The following KCNK1 variants were observed in gnomAD, a reference collection of about 807,000 sequenced individuals.
KCNK1 encodes potassium two pore domain channel subfamily K member 1.
Under a neutral mutation model 22.2 loss-of-function variants are expected in KCNK1, and 10 were observed. The ratio of observed to expected loss-of-function variants is 0.45; its 90% CI spans 0.28 to 0.76. The LOEUF is 0.76. Ranked by LOEUF, KCNK1 falls within the 30% of genes least tolerant of loss-of-function variation. The probability of loss-of-function intolerance (pLI) is 0.14; values close to 1 mark genes in which losing one functional copy is unlikely to be tolerated. For synonymous variants in KCNK1, 200 were observed against 186.4 expected (o/e 1.07, Z -0.60); for missense variants, 378 against 421.0 (o/e 0.90, Z 0.89).
chr1:233,662,238 CCTTCTTCTTCTTCTT>C (rs147341553), intron 1 of KCNK1, among the ~76,000 whole-genome samples: 20 of 149,572 alleles, frequency 1.3e-4, no homozygotes, highest in Admixed American at 8.7e-4. Flanking sequence ...TTCTTCTTCT[CCTTCTTCTTCTTCTT>C]CTTCTTCTTC....
intron 1 of KCNK1, among the ~76,000 whole-genome samples, chr1:233,623,418 AAAAG>A (rs1657626903): frequency 6.6e-6 from 1 of 152,210 alleles, no homozygotes; most frequent in Non-Finnish European, 1.5e-5. Context: ...TCAAGTCACT[AAAAG>A]AAAGGTATTA....
intron 1 of KCNK1, among the ~76,000 whole-genome samples, chr1:233,625,788 T>G (rs1571890258): frequency 6.6e-6 from 1 of 150,998 alleles, no homozygotes; most frequent in Non-Finnish European, 1.5e-5. Context: ...TGAGAGGAGG[T>G]GGGGAGTGCC....
intron 1 of KCNK1, among the ~76,000 whole-genome samples, chr1:233,643,192 T>C (rs1385989177): frequency 1.3e-5 from 2 of 151,966 alleles, no homozygotes. Flanking sequence ...CATGCATATG[T>C]GGGGTTATAG....
chr1:233,642,935 A>ATTTT (rs11459973), intron 1 of KCNK1, among the ~76,000 whole-genome samples: 5 of 133,158 alleles, frequency 3.8e-5, no homozygotes, highest in Admixed American at 2.3e-4. Flanking sequence ...CACCCGGCTA[A>ATTTT]TTTTTTTTTT....
rs1400981676 is a variant in KCNK1, at chr1:233,666,711, G to A, written c.472G>A (p.Val158Met). 1.9e-5 allele frequency: 31 copies of A among 1,613,934 alleles called. No homozygotes were observed. Among genetic ancestry groups the A allele is most frequent in the Non-Finnish European group, 2.1e-5 (25 of 1,180,040 alleles). Residue 158 changes from valine (V) to methionine (M), a missense_variant, in exon 2 of 3, where the codon GTG becomes ATG. Val to Met is a conservative substitution (Grantham distance 21, BLOSUM62 1). Transcript: ENST00000366621. ...FLTAVVQRIT[V>M]HVTRRPVLYF... The stretch of plus-strand genomic sequence containing the variant: ...GACGGCTGTGGTCCAGCGCATCACC[G>A]TGCACGTCACCCGCAGGCCGGTCCT...
At chr1:233,652,620 T>C (rs976887898) in intron 1 of KCNK1, among the ~76,000 whole-genome samples, 6 of 152,176 alleles carry the variant, frequency 3.9e-5, no homozygotes, top group Non-Finnish European at 7.3e-5. Context: ...AGTTAACAAG[T>C]AACAAACATG....
chr1:233,664,082 G>A (rs920116276), intron 1 of KCNK1, among the ~76,000 whole-genome samples: 1 of 151,926 alleles, frequency 6.6e-6, no homozygotes, highest in East Asian at 1.9e-4. Flanking sequence ...CGCCCGCCTC[G>A]CCCTCCCAAA....
At chr1:233,622,458 G>T (rs1428818099) in intron 1 of KCNK1, among the ~76,000 whole-genome samples, 2 of 152,196 alleles carry the variant, frequency 1.3e-5, no homozygotes, top group Non-Finnish European at 2.9e-5. Context: ...TTATTGGAAA[G>T]CAAGCAACTT....
intron 1 of KCNK1, among the ~76,000 whole-genome samples, chr1:233,658,379 G>T (rs969501515): frequency 6.6e-6 from 1 of 152,144 alleles, no homozygotes; most frequent in Non-Finnish European, 1.5e-5. Context: ...TGGCCAAATT[G>T]CTTACTTTAA....
chr1:233,620,001 C>A (rs1657554531), intron 1 of KCNK1, among the ~76,000 whole-genome samples: 1 of 152,156 alleles, frequency 6.6e-6, no homozygotes, highest in South Asian at 2.1e-4. Flanking sequence ...ATCTAGCCCA[C>A]CACCTGTTTT....
At chr1:233,628,244 A>G (rs1452147059) in intron 1 of KCNK1, among the ~76,000 whole-genome samples, 2 of 152,212 alleles carry the variant, frequency 1.3e-5, no homozygotes, top group Admixed American at 1.3e-4. Flanking sequence ...AATGAATACT[A>G]TTGAAAAGTC....
At chr1:233,667,158 T>C (rs1473697562) in intron 2 of KCNK1, among the ~76,000 whole-genome samples, 168 bp downstream of exon 2, 2 of 152,104 alleles carry the variant, frequency 1.3e-5, no homozygotes, top group African/African-American at 4.8e-5. Context: ...ATTCTCTGCA[T>C]CAGCCTTCCA....
chr1:233,668,851 C>T (rs759952899), intron 2 of KCNK1, among the ~76,000 whole-genome samples: 11 of 152,156 alleles, frequency 7.2e-5, no homozygotes, highest in South Asian at 2.1e-4. Context: ...GTGATCTGCC[C>T]GCCTCAGCCT....
At chr1:233,661,518 A>C (rs1571903916) in intron 1 of KCNK1, among the ~76,000 whole-genome samples, 2 of 152,140 alleles carry the variant, frequency 1.3e-5, no homozygotes, top group African/African-American at 4.8e-5. Flanking sequence ...ATCCTAGACC[A>C]CTTGCACCTG....
chr1:233,617,899 C>G (rs1327627736), intron 1 of KCNK1, among the ~76,000 whole-genome samples: 1 of 152,028 alleles, frequency 6.6e-6, no homozygotes, highest in Non-Finnish European at 1.5e-5. Context: ...CACTGTGTTC[C>G]AGCCTGGACA....
intron 1 of KCNK1, among the ~76,000 whole-genome samples, chr1:233,617,594 A>G (rs1365859494): frequency 6.6e-6 from 1 of 152,226 alleles, no homozygotes; most frequent in African/African-American, 2.4e-5. Context: ...AGTTGTGTAG[A>G]CGAATGATTG....
At chr1:233,663,088 C>A (rs1458526242) in intron 1 of KCNK1, among the ~76,000 whole-genome samples, 1 of 152,150 alleles carries the variant, frequency 6.6e-6, no homozygotes, top group Non-Finnish European at 1.5e-5. Flanking sequence ...TGCATTAAGC[C>A]GTCTACTGCA....
rs1274004595 is a variant in KCNK1 at position 233,659,433 on chromosome 1, T to C, written c.356-7162T>C. 2.0e-5 allele frequency among the ~76,000 whole-genome samples: 3 copies of C among 150,034 alleles called. No individual in the cohort carries two copies. In the East Asian group the frequency reaches 6.1e-4, roughly 31 times the overall value. ...CATTTTTTTTATTTTAAATATTTTTTATTAAAAAAAATGTCAAATGTAAAC... is the reference window on the plus strand; with the variant it reads ...CATTTTTTTTATTTTAAATATTTTTCATTAAAAAAAATGTCAAATGTAAAC... On this transcript the variant is annotated intron_variant, in intron 1 of 2. Transcript: ENST00000366621.
In KCNK1 at chr1:233,614,502, G is replaced by C; in HGVS notation, c.331G>C (p.Ala111Pro). The C allele has an allele frequency of 1.2e-6, 2 of 1,605,846 alleles. No individual in the cohort carries two copies. Among genetic ancestry groups the C allele is most frequent in the Non-Finnish European group, 1.7e-6 (2 of 1,176,142 alleles). ...GGACTTCACCTCCGCGCTCTTCTTC[G>C]CCAGCACCGTGCTCTCCACCACAGG... ...NWDFTSALFF[A>P]STVLSTTGYG... is the part of the protein sequence containing the mutation. The change falls in exon 1 of 3, where the codon GCC (alanine) becomes CCC (proline). Residue 111 changes from alanine (A) to proline (P), a missense_variant. Ala to Pro is a conservative substitution (Grantham distance 27, BLOSUM62 -1). Coordinates refer to ENST00000366621, the MANE Select transcript of KCNK1 (RefSeq NM_002245.4).
Sources: allele counts gnomAD v4.1 joint callset (sites outside exome capture counted in the v4.1 genomes callset), GRCh38; gene constraint gnomAD v4.1.1; transcripts MANE v1.5; gene names NCBI Gene and HGNC (gene_info 2026-07-23, HGNC 2026-07-21).